The following ATP8B4 variants were observed in gnomAD, a reference collection of about 807,000 sequenced individuals.
ATP8B4 encodes the protein ATPase phospholipid transporting 8B4 (putative).
ATP8B4 carries 133 observed loss-of-function variants against 145.6 expected under a neutral mutation model. The observed-to-expected ratio is 0.91, with a 90% CI of 0.79 to 1.05. The LOEUF (loss-of-function observed/expected upper bound fraction) is 1.05. Ranked by LOEUF, ATP8B4 falls within the 50% of genes least tolerant of loss-of-function variation. The pLI, the probability that ATP8B4 is intolerant of heterozygous loss-of-function variation, is 0.00. For synonymous variants in ATP8B4, 507 were observed against 492.9 expected, an observed-to-expected ratio of 1.03 and a Z score of -0.38; for missense variants, 1,458 against 1,425.2, an observed-to-expected ratio of 1.02 and a Z score of -0.37.
At chr15:50,177,755 A>C (rs954833997) in intron 1 of ATP8B4, among the ~76,000 whole-genome samples, 4 of 152,198 alleles carry the variant, frequency 2.6e-5, no homozygotes, top group African/African-American at 9.7e-5. Context: ...GTAACTTCTT[A>C]GAGATGTGAA....
At chr15:50,155,622 A>G (rs187699681) in intron 1 of ATP8B4, among the ~76,000 whole-genome samples, 1 of 152,320 alleles carries the variant, frequency 6.6e-6, no homozygotes, top group Admixed American at 6.5e-5. Context: ...CAATTTAAAT[A>G]GAATTTCTTA....
At chr15:50,078,100 A>G (rs2054298841) in intron 2 of ATP8B4, among the ~76,000 whole-genome samples, 1 of 152,148 alleles carries the variant, frequency 6.6e-6, no homozygotes. Flanking sequence ...AGGTAGAAAA[A>G]GGGGATTGGT....
intron 6 of ATP8B4, among the ~76,000 whole-genome samples, chr15:50,027,368 G>GGGATGGACGGGT (rs1555460576): frequency 3.8e-5 from 2 of 53,158 alleles, no homozygotes; most frequent in African/African-American, 3.0e-4. Flanking sequence ...ATTTAAATAT[G>GGGATGGACGGGT]GGATGGATGG....
intron 1 of ATP8B4, among the ~76,000 whole-genome samples, chr15:50,155,806 G>A (rs2044403058): frequency 6.6e-6 from 1 of 151,780 alleles, no homozygotes; most frequent in South Asian, 2.1e-4. Flanking sequence ...TTAATAAAAA[G>A]AATAGGTAGA....
intron 5 of ATP8B4, 127 bp from the exon 6 acceptor site, chr15:50,038,956 T>A: frequency 1.3e-6 from 1 of 758,952 alleles, no homozygotes; most frequent in Non-Finnish European, 2.2e-6. Flanking sequence ...ATGACACTGT[T>A]TGAGCTTCCT....
intron 2 of ATP8B4, among the ~76,000 whole-genome samples, chr15:50,081,925 G>C (rs1327560892): frequency 6.6e-6 from 1 of 152,166 alleles, no homozygotes; most frequent in Non-Finnish European, 1.5e-5. Flanking sequence ...TCCCTATATA[G>C]AACTCAGTGA....
At chr15:50,117,992 G>A (rs1213761496) in intron 1 of ATP8B4, among the ~76,000 whole-genome samples, 1 of 152,182 alleles carries the variant, frequency 6.6e-6, no homozygotes, top group Non-Finnish European at 1.5e-5. Context: ...GGTTACCAGA[G>A]GTTAGGAAGG....
chr15:49,983,867 C>G (rs917517241), intron 10 of ATP8B4, among the ~76,000 whole-genome samples: 1 of 152,210 alleles, frequency 6.6e-6, no homozygotes. Context: ...ACTTTCCTTA[C>G]TCCTGCCACA....
At chr15:50,038,740 A>C in intron 6 of ATP8B4, 28 bp downstream of exon 6, 2 of 1,587,126 alleles carry the variant, frequency 1.3e-6, no homozygotes, top group Non-Finnish European at 1.7e-6. Context: ...AGAAATTTTC[A>C]GAATAACCCA....
intron 3 of ATP8B4, among the ~76,000 whole-genome samples, chr15:50,072,130 A>G (rs1185142285): frequency 6.6e-6 from 1 of 152,122 alleles, no homozygotes; most frequent in Admixed American, 6.6e-5. Flanking sequence ...ATCTGCCAAT[A>G]GGAACAACAC....
chr15:50,138,365 G>GATAGATAC (rs1489762091), intron 1 of ATP8B4, among the ~76,000 whole-genome samples: 1 of 104,970 alleles, frequency 9.5e-6, no homozygotes, highest in African/African-American at 2.9e-5. Flanking sequence ...TAGATAGATA[G>GATAGATAC]ATAGATAGGC....
chr15:49,979,828 A>T lies in ATP8B4; in HGVS notation c.838-15T>A, dbSNP rs776843452. 2.0e-6 allele frequency: 3 copies of T among 1,534,182 alleles called. No individual in the cohort carries two copies. Among genetic ancestry groups the T allele is most frequent in the Non-Finnish European group, 2.7e-6 (3 of 1,124,238 alleles). ...AACCCAAAAATCTGAAATAAGATAGAAGTGTGGTTAAGGTTAACTTGAACT... is the reference window on the plus strand; with the variant it reads ...AACCCAAAAATCTGAAATAAGATAGTAGTGTGGTTAAGGTTAACTTGAACT... On this transcript the variant is annotated splice_polypyrimidine_tract_variant and intron_variant, in intron 11 of 27. Coordinates refer to ENST00000284509, the MANE Select transcript of ATP8B4 (RefSeq NM_024837.4).
chr15:50,073,019 T>TACAC (rs373934302), intron 3 of ATP8B4, among the ~76,000 whole-genome samples: 448 of 32,342 alleles, frequency 0.014, 10 homozygotes, highest in East Asian at 0.053. Context: ...TATATATATA[T>TACAC]ACACACACAC....
At chr15:50,056,716 T>TAC (rs72305360) in intron 3 of ATP8B4, among the ~76,000 whole-genome samples, 12,859 of 145,890 alleles carry the variant, frequency 0.088, 599 homozygotes, top group Non-Finnish European at 0.12. Flanking sequence ...TATATATATA[T>TAC]ACACACACAC....
At chr15:49,998,672 G>T (rs1396224851) in intron 8 of ATP8B4, among the ~76,000 whole-genome samples, 1 of 152,040 alleles carries the variant, frequency 6.6e-6, no homozygotes, top group East Asian at 1.9e-4. Context: ...TGTGAAAATT[G>T]TCTCCCATTT....
chr15:50,028,320 T>G (rs1277899822), intron 6 of ATP8B4, among the ~76,000 whole-genome samples: 1 of 152,230 alleles, frequency 6.6e-6, no homozygotes, highest in Non-Finnish European at 1.5e-5. Context: ...CAGAGAGAAT[T>G]AGAACATGCC....
At chr15:50,030,449 T>C (rs867062975) in intron 6 of ATP8B4, among the ~76,000 whole-genome samples, 32 of 152,008 alleles carry the variant, frequency 2.1e-4, no homozygotes, top group African/African-American at 5.8e-4. Flanking sequence ...GGGAGATCAA[T>C]TTGAGGGGCC....
intron 20 of ATP8B4, among the ~76,000 whole-genome samples, chr15:49,910,432 A>G (rs895672685): frequency 5.3e-5 from 8 of 152,224 alleles, no homozygotes; most frequent in Non-Finnish European, 1.2e-4. Flanking sequence ...CCTATTGATG[A>G]AATAATAGAT....
chr15:49,863,736 G>A (rs1215561773), intron 26 of ATP8B4, among the ~76,000 whole-genome samples: 2 of 152,080 alleles, frequency 1.3e-5, no homozygotes, highest in Non-Finnish European at 2.9e-5. Context: ...GCTCCTTGAA[G>A]CTTGGTACCC....
Sources: allele counts gnomAD v4.1 joint callset (sites outside exome capture counted in the v4.1 genomes callset), GRCh38; gene constraint gnomAD v4.1.1; transcripts MANE v1.5; gene names NCBI Gene and HGNC (gene_info 2026-07-23, HGNC 2026-07-21).